The following EVC2 variants were observed in gnomAD, a reference collection of about 807,000 sequenced individuals.
EVC2 encodes limbin.
EVC2 carries 148 observed loss-of-function variants against 149.3 expected under a neutral mutation model. That is an observed-to-expected ratio of 0.99 (90% CI 0.87 to 1.14). The LOEUF is 1.14. Ranked by LOEUF, EVC2 falls within the 50% of genes most tolerant of loss-of-function variation. The pLI is 0.00. For missense variants in EVC2, 1,854 were observed against 1,627.3 expected (o/e 1.14, Z -2.40); for synonymous variants, 776 against 649.9 (o/e 1.19, Z -2.95).
intron 10 of EVC2, among the ~76,000 whole-genome samples, chr4:5,634,090 A>G (rs767566723): frequency 5.3e-5 from 8 of 152,244 alleles, no homozygotes; most frequent in Non-Finnish European, 1.2e-4. Flanking sequence ...CCATGAGGCT[A>G]CAAGTCAAAG....
At chr4:5,650,630 TATATATATAGAGAGAGAGAG>T (rs1205221728) in intron 9 of EVC2, among the ~76,000 whole-genome samples, 6 of 67,924 alleles carry the variant, frequency 8.8e-5, no homozygotes, top group African/African-American at 3.0e-4. Context: ...TATATATATA[TATATATATAGAGAGAGAGAG>T]AGAGAGAGAG....
Position 5,679,194 on chromosome 4 carries a change from C to T in EVC2, c.870+2066G>A, listed in dbSNP as rs138421092. Among the ~76,000 whole-genome samples the T allele has an allele frequency of 4.6e-5, 7 of 152,060 alleles. No homozygotes were observed. The highest frequency in any genetic ancestry group is 3.9e-4 in the East Asian group (2 of 5,174). On this transcript the variant is annotated intron_variant, in intron 7 of 21. Transcript: ENST00000344408. The surrounding 1 kb of genome is among the most constrained non-coding windows in gnomAD (Gnocchi z 5.1). ...TGAAGGCGTAGGGTATGACTGTACA[C>T]GACTATAGACTTTAGAAACACTGTA...
At chr4:5,623,083 T>C (rs1440816359) in intron 13 of EVC2, 92 bp from the exon 14 acceptor site, 10 of 1,141,664 alleles carry the variant, frequency 8.8e-6, no homozygotes, top group East Asian at 7.6e-5. Context: ...GCACAGAATG[T>C]TTATAGCCTT....
intron 2 of EVC2, among the ~76,000 whole-genome samples, chr4:5,695,098 C>G (rs919225762): frequency 7.9e-5 from 12 of 152,002 alleles, no homozygotes; most frequent in Non-Finnish European, 1.5e-4. Context: ...ACCTGTAATC[C>G]TAGCACTTTG....
rs116735227 is a variant in EVC2 at position 5,589,784 on chromosome 4, T to C, written c.2830-4934A>G. 3.0e-3 allele frequency among the ~76,000 whole-genome samples: 450 copies of C among 152,320 alleles called. 2 individuals carry two copies. Among genetic ancestry groups the C allele is most frequent in the African/African-American group, 0.01 (426 of 41,574 alleles). ...TAATTCTGATACTTTTTATTCTGTCTTGGTCACAAGCAGAAGTCCCTCATA... is the reference window on the plus strand; with the variant it reads ...TAATTCTGATACTTTTTATTCTGTCCTGGTCACAAGCAGAAGTCCCTCATA... On this transcript the variant is annotated intron_variant, in intron 16 of 21. Transcript: ENST00000344408.
intron 9 of EVC2, among the ~76,000 whole-genome samples, chr4:5,646,154 C>T (rs1393259853): frequency 6.6e-6 from 1 of 152,168 alleles, no homozygotes; most frequent in East Asian, 1.9e-4. Flanking sequence ...TGGTCTCGAA[C>T]TCCTGACCTC....
intron 9 of EVC2, among the ~76,000 whole-genome samples, chr4:5,662,173 C>T (rs1718923806): frequency 6.6e-6 from 1 of 152,072 alleles, no homozygotes; most frequent in Admixed American, 6.5e-5. Context: ...CCTTTCACGT[C>T]CTTACATCTG....
At chr4:5,675,180 A>G (rs1185800458) in intron 7 of EVC2, among the ~76,000 whole-genome samples, 2 of 152,158 alleles carry the variant, frequency 1.3e-5, no homozygotes, top group Non-Finnish European at 2.9e-5. Flanking sequence ...TCTTATGTAT[A>G]TTACAAATAT....
upstream of EVC2, chr4:5,709,250 C>G (rs926639524): frequency 8.8e-5 from 13 of 147,398 alleles, no homozygotes; most frequent in Admixed American, 8.7e-4. Flanking sequence ...ATTTGCTTTG[C>G]CAAGGGACGC....
At chr4:5,578,561 C>G (rs1049562448) in intron 17 of EVC2, among the ~76,000 whole-genome samples, 1 of 152,134 alleles carries the variant, frequency 6.6e-6, no homozygotes, top group Non-Finnish European at 1.5e-5. Flanking sequence ...GGTCCCATCA[C>G]TCAGCTCTAA....
chr4:5,598,794 G>T (rs960394618), intron 16 of EVC2, among the ~76,000 whole-genome samples: 22 of 152,076 alleles, frequency 1.4e-4, no homozygotes, highest in Non-Finnish European at 2.8e-4. Context: ...CCTACAAAAT[G>T]GGAGAAAATT....
chr4:5,612,579 A>G (rs1376090960), intron 16 of EVC2, among the ~76,000 whole-genome samples: 2 of 152,196 alleles, frequency 1.3e-5, no homozygotes, highest in East Asian at 3.9e-4. Flanking sequence ...GCATGTATCT[A>G]TGCAAAAATG....
intron 16 of EVC2, among the ~76,000 whole-genome samples, chr4:5,587,386 T>C (rs1712380433): frequency 6.6e-6 from 1 of 152,244 alleles, no homozygotes; most frequent in Non-Finnish European, 1.5e-5. Context: ...GTCTGGCTTC[T>C]TTTACTTCGC....
intron 17 of EVC2, among the ~76,000 whole-genome samples, chr4:5,581,085 A>G (rs1450589179): frequency 6.6e-6 from 1 of 152,214 alleles, no homozygotes; most frequent in Non-Finnish European, 1.5e-5. Context: ...CAGATGCATC[A>G]TGCTTCCTGT....
intron 14 of EVC2, among the ~76,000 whole-genome samples, chr4:5,619,977 A>G (rs1715562567): frequency 6.6e-6 from 1 of 152,216 alleles, no homozygotes; most frequent in Admixed American, 6.5e-5. Context: ...GGCCAGAGTC[A>G]GGTTTACCAT....
intron 6 of EVC2, among the ~76,000 whole-genome samples, chr4:5,683,721 G>A (rs1197913039): frequency 1.3e-5 from 2 of 152,098 alleles, no homozygotes; most frequent in Non-Finnish European, 2.9e-5. Flanking sequence ...AGCATGCAGG[G>A]AGCCAGGCTC....
chr4:5,708,184 C>T (rs561461652), intron 1 of EVC2, 102 bp downstream of exon 1: 2 of 1,065,966 alleles, frequency 1.9e-6, no homozygotes, highest in Non-Finnish European at 2.5e-6. Context: ...CCCTCCCTTC[C>T]TCATTCTTTG....
At chr4:5,698,575 G>T (rs1183124763) in intron 1 of EVC2, among the ~76,000 whole-genome samples, 1 of 152,194 alleles carries the variant, frequency 6.6e-6, no homozygotes, top group Non-Finnish European at 1.5e-5. Context: ...GAAAGACTCA[G>T]ACCTCTCTAC....
At chr4:5,546,674 C>A (rs1721629308) in intron 21 of EVC2, among the ~76,000 whole-genome samples, 1 of 151,858 alleles carries the variant, frequency 6.6e-6, no homozygotes, top group African/African-American at 2.4e-5. Context: ...ATGTAACAAA[C>A]CTGCATGTTG....
Sources: gnomAD v4.1 joint callset for allele counts (sites outside exome capture counted in the v4.1 genomes callset) on GRCh38, gnomAD v4.1.1 for gene constraint, Gnocchi (gnomAD v3.1) non-coding constraint, MANE v1.5 for transcripts, NCBI Gene and HGNC (gene_info 2026-07-23, HGNC 2026-07-21) for gene names.